The following RASA1 variants were observed in gnomAD, a reference collection of about 807,000 sequenced individuals.
The protein encoded by RASA1 is RAS p21 protein activator 1.
A neutral mutation model predicts 132.2 loss-of-function variants in RASA1; 25 were observed. The observed-to-expected ratio is 0.19, with a 90% CI of 0.14 to 0.26. The LOEUF is 0.26. Ranked by LOEUF, RASA1 falls within the 10% of genes least tolerant of loss-of-function variation. The pLI, the probability that RASA1 is intolerant of heterozygous loss-of-function variation, is 1.00. For missense variants in RASA1, 964 were observed against 1,299.2 expected (o/e 0.74, Z 3.97); for synonymous variants, 477 against 449.9 (o/e 1.06, Z -0.76).
intron 1 of RASA1, among the ~76,000 whole-genome samples, chr5:87,309,084 C>G (rs1333401614): frequency 3.3e-5 from 5 of 152,074 alleles, no homozygotes; most frequent in Non-Finnish European, 7.4e-5. Flanking sequence ...GCCACTGGCT[C>G]TCAGTTTCCC....
chr5:87,332,632 C>T lies in RASA1; in HGVS notation c.818C>T (p.Ala273Val). The T allele has an allele frequency of 6.2e-7, 1 of 1,610,106 alleles. No homozygotes were observed. The highest frequency in any genetic ancestry group is 1.3e-5 in the African/African-American group (1 of 74,918). Residue 273 changes from alanine to valine, a missense_variant, in exon 3 of 25, where the codon GCA becomes GTA. By Grantham distance (64) the Ala-to-Val change is moderately conservative (BLOSUM62 0). Around this residue, in one of 6 missense-constraint regions of RASA1, gnomAD observed 154 missense variants for 286.5 expected, o/e 0.54. Coordinates refer to ENST00000274376, the MANE Select transcript of RASA1 (RefSeq NM_002890.3). ...GGAGAAAAATTACTTTACCCAGTTG[C>T]ACCACCAGAGGCAAGTAAAATGAAT... ...LKGEKLLYPV[A>V]PPEPVEDRRR...
intron 4 of RASA1, among the ~76,000 whole-genome samples, chr5:87,335,354 A>G (rs1299505332): frequency 6.6e-6 from 1 of 151,982 alleles, no homozygotes; most frequent in African/African-American, 2.4e-5. Flanking sequence ...TTGGCCATCA[A>G]GAGTTTGACA....
Position 87,268,375 on chromosome 5 carries a change from G to A in RASA1, c.-77G>A. 6.9e-7 allele frequency: 1 copy of A among 1,450,768 alleles called. No individual in the cohort carries two copies. The highest frequency in any genetic ancestry group is 9.1e-7 in the Non-Finnish European group (1 of 1,098,802). The allele number at this position is 1,450,768 out of a possible 1,614,324, so 89.9% of individuals were successfully genotyped here. A position where few individuals can be genotyped will look rare whatever the true frequency, so the allele number is the denominator to read the frequency against. ...TGAAGGGGAGACGCGTCTGGGTGGG[G>A]CTGCTCGGAGCCCGGGCCTGGTGGC... On this transcript the variant is annotated 5_prime_UTR_variant, in exon 1 of 25. Transcript: ENST00000274376.
chr5:87,364,969 T>TGGGTGAAATGGATGTTGGAGA (rs1483251001), intron 11 of RASA1, among the ~76,000 whole-genome samples: 4 of 152,152 alleles, frequency 2.6e-5, no homozygotes, highest in African/African-American at 9.7e-5. Context: ...ACCATATGTA[T>TGGGTGAAATGGATGTTGGAGA]GGGTGAAATG....
intron 1 of RASA1, among the ~76,000 whole-genome samples, chr5:87,297,863 G>T (rs1403491548): frequency 6.6e-6 from 1 of 152,084 alleles, no homozygotes; most frequent in African/African-American, 2.4e-5. Flanking sequence ...TGAGTCTCCA[G>T]CAATTTGTCA....
chr5:87,326,012 C>T (rs1015696712), intron 1 of RASA1, among the ~76,000 whole-genome samples: 1 of 152,068 alleles, frequency 6.6e-6, no homozygotes, highest in Admixed American at 6.5e-5. Flanking sequence ...CTCTCTGTTG[C>T]CCAGTCTAGA....
At chr5:87,278,391 A>C (rs1459391256) in intron 1 of RASA1, among the ~76,000 whole-genome samples, 2 of 104,766 alleles carry the variant, frequency 1.9e-5, no homozygotes, top group Non-Finnish European at 4.8e-5. Flanking sequence ...CTAAAAATAC[A>C]AAAAAAAAAA....
At chr5:87,312,812 CAAG>C (rs966940361) in intron 1 of RASA1, among the ~76,000 whole-genome samples, 2 of 152,088 alleles carry the variant, frequency 1.3e-5, no homozygotes, top group African/African-American at 4.8e-5. Flanking sequence ...AACAAATAAA[CAAG>C]AACTCTTTCT....
chr5:87,338,536 A>ATATATATATATTTTTTTT lies in RASA1; in HGVS notation c.1017+446_1017+447insATATATATATTTTTTTTT. Among the ~76,000 whole-genome samples, 8 of 85,218 alleles carry ATATATATATATTTTTTTT rather than the reference A, an allele frequency of 9.4e-5. 1 individual carries two copies. The highest frequency in any genetic ancestry group is 7.8e-4 in the South Asian group (2 of 2,558). 55.9% of individuals were successfully genotyped at this position (85,218 alleles called of 152,430 possible). ...ATATATATATATATATATATATAAAATTTTTTTTTTTTTTAAGTAGAAATG... is the reference window on the plus strand; with the variant it reads ...ATATATATATATATATATATATAAAATATATATATATTTTTTTTTTTTTTTTTTTTTTAAGTAGAAATG... On this transcript the variant is annotated intron_variant, in intron 5 of 24. Transcript: ENST00000274376.
At chr5:87,284,845 C>G (rs537790598) in intron 1 of RASA1, among the ~76,000 whole-genome samples, 1 of 152,152 alleles carries the variant, frequency 6.6e-6, no homozygotes, top group Admixed American at 6.5e-5. Context: ...TTTGTATGGT[C>G]ATTGAGATCA....
At position 87,321,592 on chromosome 5, in the gene RASA1, A is replaced by G. The variant is rs555515811; in HGVS notation, c.540-9756A>G. 3.3e-5 allele frequency among the ~76,000 whole-genome samples: 5 copies of G among 152,374 alleles called. No homozygotes were observed. The South Asian group carries it at 1.0e-3, about 32-fold the overall frequency. ...ACTGGTTTATTATGAAGGATATGTT[A>G]AAGGATACAAGTAAACAGCCATATG... On this transcript the variant is annotated intron_variant, in intron 1 of 24. Coordinates refer to ENST00000274376, the MANE Select transcript of RASA1 (RefSeq NM_002890.3).
intron 1 of RASA1, among the ~76,000 whole-genome samples, chr5:87,314,948 T>G (rs1476780134): frequency 6.6e-6 from 1 of 152,240 alleles, no homozygotes; most frequent in Non-Finnish European, 1.5e-5. Flanking sequence ...ATCTTTAAGT[T>G]TGTTTCAGAG....
chr5:87,322,085 A>G (rs1756861384), intron 1 of RASA1, among the ~76,000 whole-genome samples: 1 of 152,180 alleles, frequency 6.6e-6, no homozygotes, highest in Non-Finnish European at 1.5e-5. Flanking sequence ...TGTTTGGATC[A>G]TAAAGGTGGA....
rs1471604207 is a variant in RASA1 at position 87,380,521 on chromosome 5, T to C, written c.2616T>C (p.Tyr872=). 7 of 1,612,772 alleles carry C rather than the reference T, an allele frequency of 4.3e-6. No homozygotes were observed. Among genetic ancestry groups the C allele is most frequent in the East Asian group, 2.2e-5 (1 of 44,810 alleles). The change falls in exon 20 of 25, where the codon TAT becomes TAC. Residue 872 remains tyrosine (Y), a synonymous_variant. Coordinates refer to ENST00000274376, the MANE Select transcript of RASA1 (RefSeq NM_002890.3). ...GTTATTTTGGCAGGACATTGAGATATATTTATGGGTGTTTACAGAAATCTG... is the reference window on the plus strand; with the variant it reads ...GTTATTTTGGCAGGACATTGAGATACATTTATGGGTGTTTACAGAAATCTG... ...ASEILPPTLR[Y]IYGCLQKSVQ...
At chr5:87,339,551 T>G (rs1758287746) in intron 5 of RASA1, among the ~76,000 whole-genome samples, 1 of 152,150 alleles carries the variant, frequency 6.6e-6, no homozygotes, top group Non-Finnish European at 1.5e-5. Flanking sequence ...TGAACTTTTC[T>G]TGAGCTCTTG....
At chr5:87,356,504 C>T (rs892880324) in intron 9 of RASA1, among the ~76,000 whole-genome samples, 1 of 151,932 alleles carries the variant, frequency 6.6e-6, no homozygotes, top group Non-Finnish European at 1.5e-5. Flanking sequence ...ATCCTCCTGC[C>T]TCAGGCTCCC....
intron 1 of RASA1, among the ~76,000 whole-genome samples, chr5:87,329,336 G>A (rs1051382764): frequency 6.6e-6 from 1 of 151,878 alleles, no homozygotes; most frequent in African/African-American, 2.4e-5. Context: ...CGGCTACTTG[G>A]GAGGCTGTGG....
chr5:87,389,725 T>A (rs979081817), intron 24 of RASA1, among the ~76,000 whole-genome samples, 198 bp downstream of exon 24: 1 of 152,208 alleles, frequency 6.6e-6, no homozygotes, highest in Non-Finnish European at 1.5e-5. Flanking sequence ...CTGAAAAACA[T>A]CAGGTTTTGC....
At chr5:87,300,514 T>TA (rs1755315327) in intron 1 of RASA1, among the ~76,000 whole-genome samples, 1 of 152,068 alleles carries the variant, frequency 6.6e-6, no homozygotes, top group South Asian at 2.1e-4. Context: ...AATATTAAAA[T>TA]AAAAAGAGTT....
Sources: allele counts gnomAD v4.1 joint callset (sites outside exome capture counted in the v4.1 genomes callset), GRCh38; gene constraint gnomAD v4.1.1; regional missense constraint gnomAD v4.1.1; transcripts MANE v1.5; gene names NCBI Gene and HGNC (gene_info 2026-07-23, HGNC 2026-07-21).